The following DGKI variants were observed in gnomAD, a reference collection of about 807,000 sequenced individuals.
The protein encoded by DGKI is diacylglycerol kinase iota, also known as DAG kinase iota.
Under a neutral mutation model 147.5 loss-of-function variants are expected in DGKI, and 55 were observed. The ratio of observed to expected loss-of-function variants is 0.37; its 90% CI spans 0.30 to 0.47. The LOEUF is 0.47. DGKI is among the 20% of genes least tolerant of loss of function. The probability of loss-of-function intolerance (pLI) is 1.00; values close to 1 mark genes in which losing one functional copy is unlikely to be tolerated. For missense variants in DGKI, 1,007 were observed against 1,323.8 expected, an observed-to-expected ratio of 0.76 and a Z score of 3.71; for synonymous variants, 469 against 477.1, an observed-to-expected ratio of 0.98 and a Z score of 0.22.
rs544853141 is a variant in DGKI at position 137,693,361 on chromosome 7, G to A, written c.402-3359C>T. 5.3e-5 allele frequency among the ~76,000 whole-genome samples: 8 copies of A among 152,198 alleles called. No individual in the cohort carries two copies. The South Asian group carries it at 1.5e-3, about 28-fold the overall frequency. ...TTCTTTCTATTAATTTCACAACAACGCTTCATAGGAGATGGCTATAATCAC... is the reference window on the plus strand; with the variant it reads ...TTCTTTCTATTAATTTCACAACAACACTTCATAGGAGATGGCTATAATCAC... On this transcript the variant is annotated intron_variant, in intron 1 of 32. Transcript: ENST00000614521.
At chr7:137,536,429 G>A (rs924801061) in intron 20 of DGKI, among the ~76,000 whole-genome samples, 8 of 152,102 alleles carry the variant, frequency 5.3e-5, no homozygotes, top group African/African-American at 1.9e-4. Flanking sequence ...GGTGAGACAT[G>A]AACTATGCTT....
At chr7:137,596,030 A>AAAAAAAAG (rs1819784811) in intron 12 of DGKI, among the ~76,000 whole-genome samples, 2 of 132,880 alleles carry the variant, frequency 1.5e-5, no homozygotes, top group East Asian at 2.1e-4. Context: ...AAAAAAAAAA[A>AAAAAAAAG]AAAGAAAGAA....
chr7:137,640,007 T>C, intron 6 of DGKI, among the ~76,000 whole-genome samples: 1 of 128,456 alleles, frequency 7.8e-6, no homozygotes, highest in East Asian at 2.0e-4. Flanking sequence ...TATTATTAGG[T>C]TTTTTTTTTT....
At chr7:137,598,411 C>A (rs533103750) in intron 11 of DGKI, among the ~76,000 whole-genome samples, 2 of 152,274 alleles carry the variant, frequency 1.3e-5, no homozygotes, top group South Asian at 4.1e-4. Flanking sequence ...GACGGGGAGG[C>A]TTCCGCACTC....
intron 4 of DGKI, 75 bp from the exon 5 acceptor site, chr7:137,654,863 A>G: frequency 1.1e-6 from 1 of 921,212 alleles, no homozygotes; most frequent in Non-Finnish European, 1.7e-6. Flanking sequence ...AAAAAAAAAA[A>G]AACAGTGACA....
intron 21 of DGKI, among the ~76,000 whole-genome samples, chr7:137,518,966 G>T (rs1816871512): frequency 6.6e-6 from 1 of 151,810 alleles, no homozygotes; most frequent in African/African-American, 2.4e-5. Context: ...TTCTCTTTAT[G>T]TTCTACCTCT....
At position 137,533,152 on chromosome 7, in the gene DGKI, G is replaced by A. The variant is rs114173579; in HGVS notation, c.2148-11186C>T. Among the ~76,000 whole-genome samples the A allele has an allele frequency of 7.0e-3, 1,060 of 152,008 alleles. 16 individuals carry two copies. The highest frequency in any genetic ancestry group is 0.024 in the African/African-American group (999 of 41,458). On this transcript the variant is annotated intron_variant, in intron 20 of 32. Coordinates refer to ENST00000614521, the MANE Select transcript of DGKI (RefSeq NM_001321708.2). Reference sequence around the variant, plus strand: ...TTTTTTTAAATAAATAAATAAGCACGGTGGCATGCAACTGTTGTCCTAGCT... The same window carrying A: ...TTTTTTTAAATAAATAAATAAGCACAGTGGCATGCAACTGTTGTCCTAGCT...
At chr7:137,464,715 T>C (rs898830377) in intron 26 of DGKI, among the ~76,000 whole-genome samples, 25 of 151,960 alleles carry the variant, frequency 1.6e-4, no homozygotes, top group African/African-American at 6.0e-4. Context: ...ATAGCAGCAG[T>C]GAACCAAAAA....
At chr7:137,478,354 G>T (rs1224953252) in intron 23 of DGKI, among the ~76,000 whole-genome samples, 1 of 152,280 alleles carries the variant, frequency 6.6e-6, no homozygotes, top group Middle Eastern at 3.4e-3. Context: ...TGACCACACA[G>T]ATGAATGGGT....
chr7:137,443,925 T>C, intron 28 of DGKI, 152 bp downstream of exon 28: 1 of 649,958 alleles, frequency 1.5e-6, no homozygotes, highest in Non-Finnish European at 2.6e-6. Flanking sequence ...ATTTAAGTTT[T>C]TAAAAGTGTT....
chr7:137,638,112 G>A (rs1821378052), intron 6 of DGKI, among the ~76,000 whole-genome samples: 1 of 152,026 alleles, frequency 6.6e-6, no homozygotes, highest in Admixed American at 6.6e-5. Context: ...AAGCCTGCCT[G>A]CCCTAGGGAA....
intron 1 of DGKI, among the ~76,000 whole-genome samples, chr7:137,802,491 A>T (rs75546197): frequency 0.045 from 6,794 of 152,272 alleles, 209 homozygotes; most frequent in Non-Finnish European, 0.065. Context: ...TTGCACCTCA[A>T]ATCATAATAA....
intron 6 of DGKI, among the ~76,000 whole-genome samples, chr7:137,623,932 C>T (rs2128998852): frequency 6.6e-6 from 1 of 151,968 alleles, no homozygotes; most frequent in East Asian, 1.9e-4. Context: ...TCATTCATCT[C>T]AGAGGGTCTA....
intron 8 of DGKI, among the ~76,000 whole-genome samples, chr7:137,617,968 CA>C (rs1820591596): frequency 1.3e-5 from 2 of 149,744 alleles, no homozygotes; most frequent in Non-Finnish European, 3.0e-5. Flanking sequence ...ATTTCCATAA[CA>C]AAAAGGGTTT....
chr7:137,589,093 A>G (rs1346654538), intron 12 of DGKI, among the ~76,000 whole-genome samples: 1 of 152,148 alleles, frequency 6.6e-6, no homozygotes, highest in Non-Finnish European at 1.5e-5. Flanking sequence ...GTGGCATGTG[A>G]TTTTTGGAAC....
chr7:137,384,797 G>A lies in DGKI; in HGVS notation c.*6423C>T, dbSNP rs183667962. ...TATATGTGTGTTTCACTAAAGGTCT[G>A]AGGGAAAAGATAATTTCAGTATTTC... On this transcript the variant is annotated 3_prime_UTR_variant, in exon 33 of 33. Transcript: ENST00000614521. The A allele has an allele frequency of 6.6e-6, 1 of 152,072 alleles. No individual in the cohort carries two copies. Among genetic ancestry groups the A allele is most frequent in the Admixed American group, 6.6e-5 (1 of 15,254 alleles). The allele number at this position is 152,072 out of a possible 1,614,324, so 9.4% of individuals were successfully genotyped here. A position where few individuals can be genotyped will look rare whatever the true frequency, so the allele number is the denominator to read the frequency against.
chr7:137,719,933 G>A (rs1794494598), intron 1 of DGKI, among the ~76,000 whole-genome samples: 1 of 152,180 alleles, frequency 6.6e-6, no homozygotes, highest in Non-Finnish European at 1.5e-5. Flanking sequence ...ACAGATAAGT[G>A]AGGGCTGGTG....
intron 1 of DGKI, chr7:137,774,860 C>T (rs911095584): frequency 6.6e-5 from 10 of 152,036 alleles, no homozygotes; most frequent in Non-Finnish European, 1.5e-4. Flanking sequence ...TAAAGGAGAA[C>T]GAGAAAGACA....
intron 2 of DGKI, among the ~76,000 whole-genome samples, chr7:137,688,981 T>G (rs998716871): frequency 2.0e-5 from 3 of 152,162 alleles, no homozygotes; most frequent in Admixed American, 6.5e-5. Context: ...ATCCAAGATG[T>G]AAAATAAGGA....
Sources: allele counts gnomAD v4.1 joint callset (sites outside exome capture counted in the v4.1 genomes callset), GRCh38; gene constraint gnomAD v4.1.1; transcripts MANE v1.5; gene names NCBI Gene and HGNC (gene_info 2026-07-23, HGNC 2026-07-21).